CBX1: variants seen among roughly 807,000 people sequenced by gnomAD.
The protein encoded by CBX1 is chromobox 1.
A neutral mutation model predicts 25.1 loss-of-function variants in CBX1; 10 were observed. That is an observed-to-expected ratio of 0.40 (90% CI 0.25 to 0.68). The LOEUF is 0.68. Among genes scored for constraint, CBX1 ranks in the 30% least tolerant of loss-of-function variants. The pLI is 0.40. For missense variants in CBX1, 106 were observed against 218.5 expected (o/e 0.49, Z 3.25); for synonymous variants, 63 against 79.4 (o/e 0.79, Z 1.10).
intron 1 of CBX1, among the ~76,000 whole-genome samples, chr17:48,099,831 T>A (rs1422838844): frequency 2.0e-5 from 3 of 152,042 alleles, no homozygotes; most frequent in African/African-American, 7.3e-5. Flanking sequence ...AAACCCTCAT[T>A]TGAAACTTTG....
rs1555577726 is a variant in CBX1, at chr17:48,077,051, T to A, written c.-37-10A>T. The A allele has an allele frequency of 1.3e-6, 2 of 1,576,338 alleles. No individual in the cohort carries two copies. The highest frequency in any genetic ancestry group is 1.4e-5 in the African/African-American group (1 of 73,430). Reference sequence around the variant, plus strand: ...GTAAAGGGTGACGCTGCTAAAATGATAAATGAAATAAAAAGGGCATTAGGG... The same window carrying A: ...GTAAAGGGTGACGCTGCTAAAATGAAAAATGAAATAAAAAGGGCATTAGGG... On this transcript the variant is annotated splice_polypyrimidine_tract_variant and intron_variant, in intron 1 of 4. Coordinates refer to ENST00000225603, the MANE Select transcript of CBX1 (RefSeq NM_001127228.2).
intron 1 of CBX1, among the ~76,000 whole-genome samples, chr17:48,077,549 CAA>C (rs1280613362): frequency 1.3e-5 from 2 of 151,568 alleles, no homozygotes; most frequent in African/African-American, 4.9e-5. Context: ...CTCGGCCTCC[CAA>C]AGTGTTGGAA....
intron 4 of CBX1, among the ~76,000 whole-genome samples, chr17:48,074,056 C>G (rs1053275527): frequency 2.0e-5 from 3 of 152,168 alleles, no homozygotes; most frequent in African/African-American, 7.2e-5. Flanking sequence ...GCTCCAGTAA[C>G]TGCCTAGGGA....
At chr17:48,075,699 T>C (rs535481388) in intron 3 of CBX1, among the ~76,000 whole-genome samples, 2 of 152,316 alleles carry the variant, frequency 1.3e-5, no homozygotes, top group East Asian at 3.9e-4. Flanking sequence ...ACTGATTAAG[T>C]CAAAATAGCC....
intron 1 of CBX1, among the ~76,000 whole-genome samples, chr17:48,098,206 C>T (rs2063386235): frequency 6.6e-6 from 1 of 151,882 alleles, no homozygotes; most frequent in South Asian, 2.1e-4. Context: ...AGCCATGATG[C>T]CACCACTGCA....
chr17:48,094,820 G>A (rs535066488), intron 1 of CBX1, among the ~76,000 whole-genome samples: 3 of 151,790 alleles, frequency 2.0e-5, no homozygotes, highest in East Asian at 1.9e-4. Flanking sequence ...GTCGAGGCGG[G>A]TGGATCACTT....
intron 1 of CBX1, chr17:48,096,407 G>A (rs941997962): frequency 2.0e-6 from 2 of 980,504 alleles, no homozygotes; most frequent in Non-Finnish European, 2.4e-6. Context: ...ATCTTTCAAA[G>A]GTGAATTTAA....
At chr17:48,078,246 G>A (rs2037696580) in intron 1 of CBX1, among the ~76,000 whole-genome samples, 1 of 151,390 alleles carries the variant, frequency 6.6e-6, no homozygotes, top group African/African-American at 2.4e-5. Context: ...AGGCTGGAGT[G>A]CAGTGGTGCA....
chr17:48,072,471 G>A (rs1348662048), intron 4 of CBX1, among the ~76,000 whole-genome samples: 2 of 152,176 alleles, frequency 1.3e-5, no homozygotes, highest in African/African-American at 2.4e-5. Flanking sequence ...AAATGAGGGA[G>A]CTGTAGTTTT....
intron 1 of CBX1, among the ~76,000 whole-genome samples, chr17:48,086,683 C>G (rs2063313792): frequency 1.3e-5 from 2 of 151,828 alleles, no homozygotes. Context: ...TGGTGAAACC[C>G]TGTCTCTACT....
intron 1 of CBX1, among the ~76,000 whole-genome samples, chr17:48,092,324 A>T (rs1053668317): frequency 2.6e-5 from 4 of 151,918 alleles, no homozygotes; most frequent in East Asian, 1.9e-4. Context: ...CTATTAAAAA[A>T]AAAATAAAAT....
intron 1 of CBX1, among the ~76,000 whole-genome samples, chr17:48,082,665 A>G (rs2144445073): frequency 6.7e-6 from 1 of 148,790 alleles, no homozygotes; most frequent in Non-Finnish European, 1.5e-5. Flanking sequence ...CCTCCCGAGT[A>G]GCTGGGACTA....
chr17:48,088,727 C>T (rs1372139791), intron 1 of CBX1: 1 of 151,996 alleles, frequency 6.6e-6, no homozygotes, highest in South Asian at 2.1e-4. Context: ...GCATAGGGGC[C>T]ATGCTAATCT....
Position 48,087,872 on chromosome 17 carries a change from CAAAAAAA to C in CBX1, c.-37-10838_-37-10832del, listed in dbSNP as rs531431865. Among the ~76,000 whole-genome samples, 45 of 89,484 alleles carry C rather than the reference CAAAAAAA, an allele frequency of 5.0e-4. 1 individual carries two copies. Among genetic ancestry groups the C allele is most frequent in the African/African-American group, 1.9e-3 (45 of 23,186 alleles). The allele number at this position is 89,484 out of a possible 152,430, so 58.7% of individuals were successfully genotyped here. A position where few individuals can be genotyped will look rare whatever the true frequency, so the allele number is the denominator to read the frequency against. ...CTGGCAACAGAGCGAGACTCAGTCT[CAAAAAAA>C]AAAAAAAAAAAGAAAACAGAAAAAA... is the stretch of plus-strand genomic sequence containing the variant. On this transcript the variant is annotated intron_variant, in intron 1 of 4. Coordinates refer to ENST00000225603, the MANE Select transcript of CBX1 (RefSeq NM_001127228.2).
At chr17:48,098,560 C>T (rs543124524) in intron 1 of CBX1, among the ~76,000 whole-genome samples, 1 of 152,220 alleles carries the variant, frequency 6.6e-6, no homozygotes, top group African/African-American at 2.4e-5. Context: ...TGCAATAGCG[C>T]GATCTCGGCT....
chr17:48,084,137 A>C (rs1020535936), intron 1 of CBX1, among the ~76,000 whole-genome samples: 10 of 146,374 alleles, frequency 6.8e-5, no homozygotes, highest in African/African-American at 2.7e-4. Context: ...AAACCTGGCT[A>C]ATTTTTTCAA....
rs1050025 is a variant in CBX1, at chr17:48,070,793, C to T, written c.*642G>A. 0.14 allele frequency: 21,406 copies of T among 152,624 alleles called. 2,070 individuals carry two copies. Among genetic ancestry groups the T allele is most frequent in the Non-Finnish European group, 0.2 (13,937 of 68,008 alleles). The allele number at this position is 152,624 out of a possible 1,614,324, so 9.5% of individuals were successfully genotyped here. On this transcript the variant is annotated 3_prime_UTR_variant, in exon 5 of 5. Transcript: ENST00000225603. ...AGGGAACACCTTGGCTTATAGGTTTCAGACTTTCACAGCTTTTAAACAGTC... is the reference window on the plus strand; with the variant it reads ...AGGGAACACCTTGGCTTATAGGTTTTAGACTTTCACAGCTTTTAAACAGTC...
At chr17:48,099,512 A>G (rs1468612875) in intron 1 of CBX1, among the ~76,000 whole-genome samples, 1 of 152,192 alleles carries the variant, frequency 6.6e-6, no homozygotes, top group Non-Finnish European at 1.5e-5. Flanking sequence ...ACTCCCGTGA[A>G]GCTTCATTAA....
At chr17:48,073,066 G>C (rs2037640372) in intron 4 of CBX1, among the ~76,000 whole-genome samples, 1 of 151,966 alleles carries the variant, frequency 6.6e-6, no homozygotes, top group Admixed American at 6.6e-5. Flanking sequence ...AGGTTGTAGT[G>C]AACAGAGATC....
Sources: gnomAD v4.1 joint callset for allele counts (sites outside exome capture counted in the v4.1 genomes callset) on GRCh38, gnomAD v4.1.1 for gene constraint, MANE v1.5 for transcripts, NCBI Gene and HGNC (gene_info 2026-07-23, HGNC 2026-07-21) for gene names.